The following CTNNA2 variants were observed in gnomAD, a reference collection of about 807,000 sequenced individuals.
CTNNA2 encodes catenin alpha 2.
A neutral mutation model predicts 101.0 loss-of-function variants in CTNNA2; 42 were observed. The observed-to-expected ratio is 0.42, with a 90% CI of 0.32 to 0.54. The LOEUF (loss-of-function observed/expected upper bound fraction) is 0.54, where lower values mean the gene tolerates loss of function less well. Ranked by LOEUF, CTNNA2 falls within the 20% of genes least tolerant of loss-of-function variation. The probability of loss-of-function intolerance (pLI) is 0.14; values close to 1 mark genes in which losing one functional copy is unlikely to be tolerated. For synonymous variants in CTNNA2, 450 were observed against 456.4 expected (o/e 0.99, Z 0.18); for missense variants, 871 against 1,223.1 (o/e 0.71, Z 4.29).
chr2:80,498,608 T>A (rs565681631), intron 9 of CTNNA2, among the ~76,000 whole-genome samples: 1 of 152,268 alleles, frequency 6.6e-6, no homozygotes, highest in Non-Finnish European at 1.5e-5. Context: ...CCAGTAAAAA[T>A]TTCATATTGT....
chr2:79,597,803 A>G (rs1354076814), intron 1 of CTNNA2, among the ~76,000 whole-genome samples: 1 of 152,156 alleles, frequency 6.6e-6, no homozygotes, highest in Non-Finnish European at 1.5e-5. Flanking sequence ...TCCAAGATAC[A>G]TAGTTTACAT....
chr2:80,400,634 T>C (rs1279016497), intron 8 of CTNNA2, among the ~76,000 whole-genome samples: 2 of 152,214 alleles, frequency 1.3e-5, no homozygotes, highest in African/African-American at 4.8e-5. Context: ...CTCTACACAA[T>C]TATGTGTTTC....
intron 2 of CTNNA2, among the ~76,000 whole-genome samples, chr2:79,292,139 G>T (rs2104381547): frequency 6.6e-6 from 1 of 152,196 alleles, no homozygotes; most frequent in South Asian, 2.1e-4. Flanking sequence ...TTTCTGGGTT[G>T]GTGCCCTTTA....
chr2:79,274,826 C>T (rs760489244), intron 2 of CTNNA2, among the ~76,000 whole-genome samples: 74 of 152,086 alleles, frequency 4.9e-4, no homozygotes, highest in Non-Finnish European at 8.7e-4. Context: ...TCCCTGAGCT[C>T]AACATGAAAG....
rs548288075 is a variant in CTNNA2, at chr2:79,988,819, G to T, written c.1056+79022G>T. Among the ~76,000 whole-genome samples the T allele has an allele frequency of 5.3e-5, 8 of 152,244 alleles. No individual in the cohort carries two copies. The Middle Eastern group carries it at 0.01, about 194-fold the overall frequency. Reference sequence around the variant, plus strand: ...TGATATGTACAAGAAGGTTTCTTTCGATCAAATGTTGCATATCTGAGGCTC... The same window carrying T: ...TGATATGTACAAGAAGGTTTCTTTCTATCAAATGTTGCATATCTGAGGCTC... On this transcript the variant is annotated intron_variant, in intron 7 of 18. Transcript: ENST00000402739.
At chr2:80,162,595 G>A (rs144570204) in intron 7 of CTNNA2, 39,409 of 1,609,672 alleles carry the variant, frequency 0.024, 633 homozygotes, top group East Asian at 0.057. Context: ...TCAGTGTAAC[G>A]CTGTTCCCGG....
intron 7 of CTNNA2, among the ~76,000 whole-genome samples, chr2:80,362,250 A>T (rs563483799): frequency 1.3e-5 from 2 of 152,108 alleles, no homozygotes; most frequent in South Asian, 4.1e-4. Context: ...CTCCTCCATT[A>T]TAAGGCTGGC....
chr2:80,547,129 T>A (rs2149635505), intron 11 of CTNNA2, among the ~76,000 whole-genome samples: 1 of 152,328 alleles, frequency 6.6e-6, no homozygotes, highest in Admixed American at 6.5e-5. Context: ...TGCAGTCTTT[T>A]CTTTTCCGGA....
At chr2:79,650,593 C>T (rs535070939) in intron 1 of CTNNA2, among the ~76,000 whole-genome samples, 1 of 147,978 alleles carries the variant, frequency 6.8e-6, no homozygotes, top group Non-Finnish European at 1.5e-5. Flanking sequence ...CCCTTCCTCA[C>T]CTCTCCCATA....
chr2:79,412,040 A>C (rs1389279990), intron 4 of CTNNA2, among the ~76,000 whole-genome samples: 1 of 152,106 alleles, frequency 6.6e-6, no homozygotes, highest in Non-Finnish European at 1.5e-5. Context: ...AAATAAAAGG[A>C]TGGAGGAAGA....
intron 9 of CTNNA2, among the ~76,000 whole-genome samples, chr2:80,539,900 G>A (rs1019997803): frequency 6.6e-6 from 1 of 152,170 alleles, no homozygotes; most frequent in Non-Finnish European, 1.5e-5. Flanking sequence ...TTCCAGGAAG[G>A]CGATTAAATC....
chr2:80,049,363 C>A (rs972946631), intron 7 of CTNNA2, among the ~76,000 whole-genome samples: 2 of 152,052 alleles, frequency 1.3e-5, no homozygotes, highest in Non-Finnish European at 2.9e-5. Context: ...GTCCCCATAC[C>A]CCATAGGGAT....
intron 11 of CTNNA2, among the ~76,000 whole-genome samples, chr2:80,546,306 C>G (rs1692054881): frequency 6.6e-6 from 1 of 152,112 alleles, no homozygotes; most frequent in Non-Finnish European, 1.5e-5. Context: ...GCTTATATTC[C>G]TTTTTAGTGT....
intron 7 of CTNNA2, among the ~76,000 whole-genome samples, chr2:80,380,349 T>C (rs1288647706): frequency 6.6e-6 from 1 of 152,124 alleles, no homozygotes; most frequent in Non-Finnish European, 1.5e-5. Flanking sequence ...GATGTACTTT[T>C]GGGAAGAGAT....
intron 7 of CTNNA2, among the ~76,000 whole-genome samples, chr2:80,376,009 G>T (rs1043879889): frequency 5.9e-5 from 9 of 152,072 alleles, no homozygotes; most frequent in African/African-American, 2.2e-4. Flanking sequence ...TCCCTTGGTA[G>T]TTCCTGCTTT....
chr2:80,407,102 T>C (rs1679140439), intron 8 of CTNNA2, among the ~76,000 whole-genome samples: 2 of 152,172 alleles, frequency 1.3e-5, no homozygotes, highest in African/African-American at 2.4e-5. Context: ...TCTTCCTTCC[T>C]TGCCTCAAAG....
intron 7 of CTNNA2, among the ~76,000 whole-genome samples, chr2:80,180,098 T>C (rs1240638320): frequency 6.6e-6 from 1 of 152,176 alleles, no homozygotes; most frequent in Non-Finnish European, 1.5e-5. Context: ...TTCTGATCAT[T>C]TCCCTTTCCC....
chr2:80,028,236 C>T (rs2104167690), intron 7 of CTNNA2: 1 of 152,200 alleles, frequency 6.6e-6, no homozygotes, highest in South Asian at 2.1e-4. Context: ...TTTTTTTCCT[C>T]CCTCTTCCAT....
intron 7 of CTNNA2, among the ~76,000 whole-genome samples, chr2:79,961,240 A>C (rs559194093): frequency 6.6e-6 from 1 of 152,260 alleles, no homozygotes; most frequent in African/African-American, 2.4e-5. Context: ...GGCCTCTACT[A>C]TGTGCTGGGC....
Sources: gnomAD v4.1 joint callset for allele counts (sites outside exome capture counted in the v4.1 genomes callset) on GRCh38, gnomAD v4.1.1 for gene constraint, MANE v1.5 for transcripts, NCBI Gene and HGNC (gene_info 2026-07-23, HGNC 2026-07-21) for gene names.